The following PRRC2C variants were observed in gnomAD, a reference collection of about 807,000 sequenced individuals.
The protein encoded by PRRC2C is proline rich coiled-coil 2C, also known as protein PRRC2C.
In PRRC2C, 72 loss-of-function variants were observed where a neutral mutation model predicts 317.2. The ratio of observed to expected loss-of-function variants is 0.23; its 90% CI spans 0.19 to 0.28. The LOEUF (loss-of-function observed/expected upper bound fraction) is 0.28, where lower values mean the gene tolerates loss of function less well. Among genes scored for constraint, PRRC2C ranks in the 10% least tolerant of loss-of-function variants. The probability of loss-of-function intolerance (pLI) is 1.00; values close to 1 mark genes in which losing one functional copy is unlikely to be tolerated. For synonymous variants in PRRC2C, 1,296 were observed against 1,205.9 expected, an observed-to-expected ratio of 1.07 and a Z score of -1.55; for missense variants, 3,074 against 3,459.7, an observed-to-expected ratio of 0.89 and a Z score of 2.80.
In PRRC2C at chr1:171,512,980, G is replaced by A. The variant is rs1671660505; in HGVS notation, c.113-15G>A. The A allele has an allele frequency of 6.9e-6, 11 of 1,587,128 alleles. No individual in the cohort carries two copies. The highest frequency in any genetic ancestry group is 9.4e-6 in the Non-Finnish European group (11 of 1,168,188). ...AAATAGATGTTCTAAGAAAGTTGAT[G>A]TTATTGATCTTTAGTTGCAGCTCGA... On this transcript the variant is annotated splice_polypyrimidine_tract_variant and intron_variant, in intron 2 of 34. Coordinates refer to ENST00000647382, the MANE Select transcript of PRRC2C (RefSeq NM_001387844.1).
intron 1 of PRRC2C, among the ~76,000 whole-genome samples, chr1:171,505,318 G>C (rs748344856): frequency 1.3e-5 from 2 of 152,112 alleles, no homozygotes; most frequent in Non-Finnish European, 2.9e-5. Flanking sequence ...ATGAGCCACC[G>C]TGTCCGGCTG....
rs140224947 is a variant in PRRC2C at position 171,502,348 on chromosome 1, T to G, written c.-57-9684T>G. Reference sequence around the variant, plus strand: ...GAAATTCTGATTTAATTGCCTGGCATGGGGCCTTGACATACAATTTTTTTT... The same window carrying G: ...GAAATTCTGATTTAATTGCCTGGCAGGGGGCCTTGACATACAATTTTTTTT... On this transcript the variant is annotated intron_variant, in intron 1 of 34. Transcript: ENST00000647382. Among the ~76,000 whole-genome samples the G allele has an allele frequency of 8.8e-4, 134 of 152,304 alleles. 1 individual carries two copies. The East Asian group carries it at 0.02, about 22-fold the overall frequency.
At chr1:171,585,707 A>G (rs1281283649) in intron 30 of PRRC2C, among the ~76,000 whole-genome samples, 2 of 152,206 alleles carry the variant, frequency 1.3e-5, no homozygotes, top group African/African-American at 4.8e-5. Flanking sequence ...GATAAATTCA[A>G]AGATAGTCCT....
intron 1 of PRRC2C, among the ~76,000 whole-genome samples, chr1:171,499,292 A>G (rs1008364361): frequency 6.6e-6 from 1 of 152,168 alleles, no homozygotes; most frequent in African/African-American, 2.4e-5. Context: ...ACACTGGGTA[A>G]ATATTTGTAC....
At chr1:171,546,102 G>T (rs1047973068) in intron 17 of PRRC2C, among the ~76,000 whole-genome samples, 2 of 152,126 alleles carry the variant, frequency 1.3e-5, no homozygotes, top group African/African-American at 4.8e-5. Flanking sequence ...GGTAAAATTG[G>T]TGTCTAAGAT....
At chr1:171,559,636 C>T (rs900285118) in intron 19 of PRRC2C, among the ~76,000 whole-genome samples, 1 of 151,198 alleles carries the variant, frequency 6.6e-6, no homozygotes, top group Non-Finnish European at 1.5e-5. Context: ...ATTCCCCTGC[C>T]TCAGCCTCCT....
intron 1 of PRRC2C, among the ~76,000 whole-genome samples, chr1:171,492,738 T>TTTTTTTTATTTATTTATTTATTTA: frequency 6.9e-6 from 1 of 144,356 alleles, no homozygotes; most frequent in African/African-American, 2.6e-5. Context: ...ATTTTTTTAA[T>TTTTTTTTATTTATTTATTTATTTA]TTTATTTATT....
intron 4 of PRRC2C, among the ~76,000 whole-genome samples, chr1:171,515,409 T>G (rs557936726): frequency 6.6e-6 from 1 of 152,334 alleles, no homozygotes; most frequent in African/African-American, 2.4e-5. Context: ...TTCTGAGAAT[T>G]CTTAGCAGAG....
rs1408218119 is a variant in PRRC2C at position 171,553,868 on chromosome 1, G to A, written c.5128-3372G>A. Among the ~76,000 whole-genome samples, 3 of 152,344 alleles carry A rather than the reference G, an allele frequency of 2.0e-5. No homozygotes were observed. In the South Asian group the frequency reaches 6.2e-4, roughly 32 times the overall value. On this transcript the variant is annotated intron_variant, in intron 18 of 34. Transcript: ENST00000647382. ...TGATTTCTGTTCTTTTACATTTGGT[G>A]AGGAGTGCTTACTTCCAACTATTTG...
At chr1:171,530,554 A>G (rs72717832) in intron 11 of PRRC2C, among the ~76,000 whole-genome samples, 1 of 151,586 alleles carries the variant, frequency 6.6e-6, no homozygotes, top group Non-Finnish European at 1.5e-5. Context: ...CCTGGGCCGT[A>G]TTTTTATTTT....
intron 19 of PRRC2C, 84 bp from the exon 20 acceptor site, chr1:171,560,934 A>C: frequency 9.7e-7 from 1 of 1,031,708 alleles, no homozygotes; most frequent in Non-Finnish European, 1.5e-6. Context: ...GCTACACAGT[A>C]GGAGATTAAG....
chr1:171,591,882 G>GCCCC lies in PRRC2C; in HGVS notation c.*36_*37insCCCC. On this transcript the variant is annotated 3_prime_UTR_variant, in exon 35 of 35. Transcript: ENST00000647382. ...TTTATTGCAGGGGATTGGGAGGGGG[G>GCCCC]CGGGAAAACATGGAGAATTAAGTCA... 1.9e-6 allele frequency: 1 copy of GCCCC among 536,448 alleles called. No homozygotes were observed. The highest frequency in any genetic ancestry group is 5.5e-5 in the East Asian group (1 of 18,296). The allele number at this position is 536,448 out of a possible 1,614,324, so 33.2% of individuals were successfully genotyped here.
At chr1:171,532,314 A>G (rs1328891185) in intron 11 of PRRC2C, 29 bp from the exon 12 acceptor site, 4 of 1,579,956 alleles carry the variant, frequency 2.5e-6, no homozygotes, top group South Asian at 2.4e-5. Flanking sequence ...TAGAGTTGTC[A>G]TAACTCATCT....
intron 1 of PRRC2C, among the ~76,000 whole-genome samples, chr1:171,504,115 G>C (rs890574690): frequency 2.6e-5 from 4 of 152,110 alleles, no homozygotes; most frequent in African/African-American, 9.7e-5. Context: ...TATATGTCTG[G>C]TGAAGTGTCT....
chr1:171,512,459 C>T, intron 2 of PRRC2C: 6 of 358,304 alleles, frequency 1.7e-5, no homozygotes, highest in South Asian at 1.4e-4. Context: ...CTGTGTGGCT[C>T]TAAAGGGGAA....
At position 171,532,807 on chromosome 1, in the gene PRRC2C, A is replaced by G; in HGVS notation, c.1719A>G (p.Lys573=). The stretch of plus-strand genomic sequence containing the variant: ...AAGAAAAAGAACTAGAACGGCAGAA[A>G]GAAAAGGAAAAAGAACTACAAAAGA... ...QEKEKELERQ[K]EKEKELQKMK... Residue 573 remains lysine (K), a synonymous_variant, in exon 12 of 35, where the codon AAA becomes AAG. Coordinates refer to ENST00000647382, the MANE Select transcript of PRRC2C (RefSeq NM_001387844.1). The G allele has an allele frequency of 1.3e-6, 2 of 1,580,266 alleles. No homozygotes were observed. Among genetic ancestry groups the G allele is most frequent in the Non-Finnish European group, 1.7e-6 (2 of 1,165,816 alleles).
At chr1:171,564,841 A>G (rs1257296351) in intron 20 of PRRC2C, among the ~76,000 whole-genome samples, 1 of 152,228 alleles carries the variant, frequency 6.6e-6, no homozygotes, top group Non-Finnish European at 1.5e-5. Flanking sequence ...TCACCATTAT[A>G]TGGCACATGA....
At chr1:171,574,000 C>A (rs910815974) in intron 24 of PRRC2C, among the ~76,000 whole-genome samples, 2 of 151,770 alleles carry the variant, frequency 1.3e-5, no homozygotes, top group African/African-American at 2.4e-5. Flanking sequence ...ATTCTTATAA[C>A]CAAAATAAAA....
intron 10 of PRRC2C, among the ~76,000 whole-genome samples, chr1:171,525,991 AAG>A (rs1364522238): frequency 6.6e-6 from 1 of 152,204 alleles, no homozygotes; most frequent in East Asian, 1.9e-4. Flanking sequence ...AACCCTGAAA[AAG>A]AAGAATTTTT....
Sources: allele counts gnomAD v4.1 joint callset (sites outside exome capture counted in the v4.1 genomes callset), GRCh38; gene constraint gnomAD v4.1.1; transcripts MANE v1.5; gene names NCBI Gene and HGNC (gene_info 2026-07-23, HGNC 2026-07-21).